Variants in EPHA6 observed in about 807,000 individuals in gnomAD.
The protein encoded by EPHA6 is EPH receptor A6.
EPHA6 carries 50 observed loss-of-function variants against 112.0 expected under a neutral mutation model. The observed-to-expected ratio is 0.45, with a 90% CI of 0.36 to 0.56. The LOEUF is 0.56. Ranked by LOEUF, EPHA6 falls within the 20% of genes least tolerant of loss-of-function variation. EPHA6 has a pLI of 0.00. For synonymous variants in EPHA6, 529 were observed against 490.7 expected, an observed-to-expected ratio of 1.08 and a Z score of -1.03; for missense variants, 1,280 against 1,417.4, an observed-to-expected ratio of 0.90 and a Z score of 1.56.
chr3:97,276,157 G>T (rs1348008351), intron 5 of EPHA6, among the ~76,000 whole-genome samples: 2 of 152,076 alleles, frequency 1.3e-5, no homozygotes, highest in African/African-American at 2.4e-5. Context: ...GAAGGTGACG[G>T]ACTTACCCTC....
chr3:97,320,841 A>T (rs970780696), intron 5 of EPHA6, among the ~76,000 whole-genome samples: 1 of 150,974 alleles, frequency 6.6e-6, no homozygotes, highest in Non-Finnish European at 1.5e-5. Context: ...ATAAAAAAAA[A>T]GGGATGAATT....
At chr3:97,167,648 A>G (rs2076574622) in intron 3 of EPHA6, among the ~76,000 whole-genome samples, 1 of 152,146 alleles carries the variant, frequency 6.6e-6, no homozygotes, top group East Asian at 1.9e-4. Context: ...AAGGTGTCAT[A>G]AAAGATTATG....
chr3:96,840,564 G>C (rs927086926), intron 1 of EPHA6, among the ~76,000 whole-genome samples: 4 of 148,628 alleles, frequency 2.7e-5, no homozygotes, highest in Non-Finnish European at 6.1e-5. Context: ...CAAAAGATGA[G>C]GAGATGAATG....
intron 10 of EPHA6, among the ~76,000 whole-genome samples, chr3:97,506,527 T>A (rs2092257146): frequency 6.6e-6 from 1 of 152,220 alleles, no homozygotes. Context: ...CTCTGTTCTC[T>A]TCAGTTGGTC....
chr3:97,496,586 A>C (rs1196185846), intron 10 of EPHA6, among the ~76,000 whole-genome samples: 1 of 152,166 alleles, frequency 6.6e-6, no homozygotes, highest in Non-Finnish European at 1.5e-5. Flanking sequence ...CTATAAGAAT[A>C]TCTTCTTCTG....
At chr3:97,299,157 T>C (rs564853935) in intron 5 of EPHA6, among the ~76,000 whole-genome samples, 2 of 151,736 alleles carry the variant, frequency 1.3e-5, no homozygotes, top group South Asian at 4.2e-4. Context: ...TCCTTTTGGC[T>C]GGACGGTTTT....
At chr3:97,728,629 C>T (rs182270509) in intron 15 of EPHA6, among the ~76,000 whole-genome samples, 4 of 152,202 alleles carry the variant, frequency 2.6e-5, no homozygotes, top group Admixed American at 2.6e-4. Flanking sequence ...TCTTTGGTTT[C>T]AATGACCAGA....
At chr3:96,918,961 A>T (rs1341779768) in intron 2 of EPHA6, among the ~76,000 whole-genome samples, 1 of 152,000 alleles carries the variant, frequency 6.6e-6, no homozygotes, top group African/African-American at 2.4e-5. Flanking sequence ...ATAGCAGAGA[A>T]ATTAGAAAGT....
chr3:97,094,777 C>G lies in EPHA6; in HGVS notation c.1114+106784C>G, dbSNP rs116818500. ...GCTTCAACATTTTCTCAGGGAACAT[C>G]TGCAGGAAAACAATACTTTGGGAGA... On this transcript the variant is annotated intron_variant, in intron 3 of 17. Coordinates refer to ENST00000389672, the MANE Select transcript of EPHA6 (RefSeq NM_001080448.3). Among the ~76,000 whole-genome samples the G allele has an allele frequency of 6.3e-3, 953 of 152,210 alleles. 6 individuals are homozygous for G. The highest frequency in any genetic ancestry group is 0.022 in the African/African-American group (911 of 41,556).
chr3:97,360,049 T>C (rs74384788), intron 5 of EPHA6, among the ~76,000 whole-genome samples: 2,379 of 152,312 alleles, frequency 0.016, 56 homozygotes, highest in African/African-American at 0.052. Context: ...TCTTTATCTG[T>C]ACCTCTGTGA....
At chr3:97,648,438 GT>G in intron 14 of EPHA6, 1 of 1,381,928 alleles carries the variant, frequency 7.2e-7, no homozygotes, top group Non-Finnish European at 9.4e-7. Flanking sequence ...GGTATTTAAT[GT>G]GTATTTTAAA....
At chr3:97,033,658 A>G (rs1056625120) in intron 3 of EPHA6, among the ~76,000 whole-genome samples, 6 of 151,986 alleles carry the variant, frequency 3.9e-5, no homozygotes, top group Non-Finnish European at 8.8e-5. Flanking sequence ...AAAGATGATG[A>G]GGAATGTCAA....
intron 5 of EPHA6, among the ~76,000 whole-genome samples, chr3:97,247,232 A>G (rs2079011327): frequency 6.6e-6 from 1 of 152,010 alleles, no homozygotes; most frequent in Admixed American, 6.6e-5. Flanking sequence ...TCTGTAGGTT[A>G]CATATTGTTT....
chr3:97,435,556 A>G (rs530983638), intron 6 of EPHA6, among the ~76,000 whole-genome samples: 6 of 152,308 alleles, frequency 3.9e-5, no homozygotes, highest in African/African-American at 1.4e-4. Context: ...TACAGATGAA[A>G]TTATCCAACT....
rs537778088 is a variant in EPHA6 at position 97,571,329 on chromosome 3, C to CT, written c.2387-21282dup. ...CAGAGGTGGCATGGTAGAAAAAAGA[C>CT]TATAGGGGTTGACACAAAGAAGATT... On this transcript the variant is annotated intron_variant, in intron 11 of 17. Coordinates refer to ENST00000389672, the MANE Select transcript of EPHA6 (RefSeq NM_001080448.3). Among the ~76,000 whole-genome samples the CT allele has an allele frequency of 2.2e-3, 335 of 150,986 alleles. 2 individuals carry two copies. The highest frequency in any genetic ancestry group is 7.6e-3 in the African/African-American group (310 of 41,050).
At chr3:97,244,591 T>A (rs1464653661) in intron 5 of EPHA6, 2 of 376,086 alleles carry the variant, frequency 5.3e-6, no homozygotes, top group African/African-American at 4.2e-5. Context: ...CCAATAGAAG[T>A]CAGAAATCAA....
chr3:97,000,024 A>G (rs1258619968), intron 3 of EPHA6, among the ~76,000 whole-genome samples: 1 of 151,838 alleles, frequency 6.6e-6, no homozygotes, highest in Non-Finnish European at 1.5e-5. Flanking sequence ...TGGAAATATT[A>G]GTATATTGTT....
At chr3:96,818,491 A>G (rs1285568054) in intron 1 of EPHA6, among the ~76,000 whole-genome samples, 1 of 152,030 alleles carries the variant, frequency 6.6e-6, no homozygotes, top group Non-Finnish European at 1.5e-5. Flanking sequence ...TAAGCAAAAC[A>G]ATAGTGTGGC....
At chr3:96,892,987 T>TGTTC in intron 2 of EPHA6, among the ~76,000 whole-genome samples, 1 of 150,936 alleles carries the variant, frequency 6.6e-6, no homozygotes, top group African/African-American at 2.4e-5. Context: ...TGTGTTCGTG[T>TGTTC]GTGTGTGTGT....
Sources: allele counts gnomAD v4.1 joint callset (sites outside exome capture counted in the v4.1 genomes callset), GRCh38; gene constraint gnomAD v4.1.1; transcripts MANE v1.5; gene names NCBI Gene and HGNC (gene_info 2026-07-23, HGNC 2026-07-21).